The following ANXA13 variants were observed in gnomAD, a reference collection of about 807,000 sequenced individuals.
ANXA13 encodes annexin A13.
In ANXA13, 36 loss-of-function variants were observed where a neutral mutation model predicts 46.6. The ratio of observed to expected loss-of-function variants is 0.77; its 90% confidence interval spans 0.59 to 1.02. The LOEUF (loss-of-function observed/expected upper bound fraction) is 1.02, where lower values mean the gene tolerates loss of function less well. ANXA13 is among the 50% of genes least tolerant of loss of function. ANXA13 has a pLI of 0.00. For synonymous variants in ANXA13, 163 were observed against 152.9 expected, an observed-to-expected ratio of 1.07 and a Z score of -0.49; for missense variants, 417 against 396.5, an observed-to-expected ratio of 1.05 and a Z score of -0.44.
At chr8:123,704,456 C>T (rs372941661) in intron 2 of ANXA13, among the ~76,000 whole-genome samples, 29 of 151,478 alleles carry the variant, frequency 1.9e-4, no homozygotes, top group African/African-American at 5.4e-4. Flanking sequence ...CAGGCTAGAG[C>T]GCAGTGGCAT....
At chr8:123,712,611 G>T in intron 2 of ANXA13, 67 bp downstream of exon 2, 2 of 1,330,974 alleles carry the variant, frequency 1.5e-6, no homozygotes, top group Admixed American at 3.4e-5. Context: ...ACATCATGGG[G>T]AAGTTGGACA....
Position 123,688,880 on chromosome 8 carries a change from A to C in ANXA13, c.709T>G (p.Leu237Val). 1 of 1,613,884 alleles carries C rather than the reference A, an allele frequency of 6.2e-7. No homozygotes were observed. The highest frequency in any genetic ancestry group is 8.5e-7 in the Non-Finnish European group (1 of 1,179,836). Residue 237 changes from leucine (L) to valine (V), a missense_variant, in exon 9 of 11, where the codon TTA becomes GTA. Coordinates refer to ENST00000419625, the MANE Select transcript of ANXA13 (RefSeq NM_004306.4). ...CCTAACTTTACTTTACCGAGAGTTAAATAGGCCTTCTGCAAGTCGCCTGAT... is the reference window on the plus strand; with the variant it reads ...CCTAACTTTACTTTACCGAGAGTTACATAGGCCTTCTGCAAGTCGCCTGAT... ...ETSGDLQKAY[L>V]TLVRCAQDCE...
chr8:123,719,998 G>T (rs1283488080), intron 1 of ANXA13, among the ~76,000 whole-genome samples: 1 of 152,234 alleles, frequency 6.6e-6, no homozygotes, highest in East Asian at 1.9e-4. Flanking sequence ...GAGGTGGGAT[G>T]CTGGGTGACA....
intron 1 of ANXA13, among the ~76,000 whole-genome samples, chr8:123,715,206 G>T (rs1813738380): frequency 6.6e-6 from 1 of 152,190 alleles, no homozygotes; most frequent in South Asian, 2.1e-4. Flanking sequence ...AAATTACCAA[G>T]AATTTCAATA....
At position 123,702,682 on chromosome 8, in the gene ANXA13, C is replaced by T. The variant is rs766917035; in HGVS notation, c.146G>A (p.Arg49Lys). Residue 49 changes from arginine to lysine, a missense_variant, in exon 3 of 11, where the codon AGG (arginine) becomes AAG (lysine). Physicochemically the swap from Arg to Lys is conservative, Grantham distance 26 (BLOSUM62 2). Coordinates refer to ENST00000419625, the MANE Select transcript of ANXA13 (RefSeq NM_004306.4). ...CTTGTACTTTTGCTTGATTTGTTGC[C>T]TCTCATCTGATGTCCTGCCCGATAA... ...EILSGRTSDE[R>K]QQIKQKYKAT... 4.3e-6 allele frequency: 7 copies of T among 1,613,998 alleles called. No individual in the cohort carries two copies. In the African/African-American group the frequency reaches 8.0e-5, roughly 18 times the overall value.
intron 2 of ANXA13, among the ~76,000 whole-genome samples, chr8:123,711,296 G>A (rs1429027691): frequency 6.6e-6 from 1 of 152,196 alleles, no homozygotes; most frequent in Non-Finnish European, 1.5e-5. Flanking sequence ...TACTCCAGCT[G>A]TCAGTCTCAG....
intron 10 of ANXA13, among the ~76,000 whole-genome samples, chr8:123,681,626 T>C (rs961615999): frequency 1.3e-5 from 2 of 149,432 alleles, no homozygotes; most frequent in Non-Finnish European, 3.0e-5. Flanking sequence ...TTTCTTTTTT[T>C]TTTTTTTTTT....
chr8:123,724,708 G>T (rs576056444), intron 1 of ANXA13, among the ~76,000 whole-genome samples: 1 of 152,332 alleles, frequency 6.6e-6, no homozygotes, highest in African/African-American at 2.4e-5. Context: ...TGGACCTCCA[G>T]CTAGGAAAGG....
intron 10 of ANXA13, among the ~76,000 whole-genome samples, chr8:123,681,903 G>A (rs1457427427): frequency 6.6e-6 from 1 of 152,154 alleles, no homozygotes; most frequent in African/African-American, 2.4e-5. Context: ...GGGATTACAG[G>A]CGTGAGCCAC....
chr8:123,699,862 G>A (rs1411248174), intron 3 of ANXA13, among the ~76,000 whole-genome samples: 1 of 152,222 alleles, frequency 6.6e-6, no homozygotes, highest in East Asian at 1.9e-4. Flanking sequence ...AGAAAATGGA[G>A]ACAGTGCTAG....
chr8:123,702,934 G>A (rs1256601395), intron 2 of ANXA13, among the ~76,000 whole-genome samples, 198 bp from the exon 3 acceptor site: 3 of 152,118 alleles, frequency 2.0e-5, no homozygotes, highest in South Asian at 2.1e-4. Context: ...TAGCCATTGA[G>A]GCCTCACAGC....
At chr8:123,705,204 C>T (rs572707135) in intron 2 of ANXA13, among the ~76,000 whole-genome samples, 2 of 152,316 alleles carry the variant, frequency 1.3e-5, no homozygotes, top group Admixed American at 1.3e-4. Flanking sequence ...ACCTGTTCCT[C>T]TTCTTCATTC....
rs992360945 is a variant in ANXA13, at chr8:123,684,633, G to A, written c.808C>T (p.Arg270Cys). 5.6e-6 allele frequency: 9 copies of A among 1,613,850 alleles called. No homozygotes were observed. Among genetic ancestry groups the A allele is most frequent in the African/African-American group, 5.3e-5 (4 of 74,914 alleles). ...GAGTDEETLI[R>C]IVVTRAEVDL... ...ACCTCGGCCCTGGTCACGACTATGC[G>A]AATCAACGTCTCCTCATCGGTCCCC... Residue 270 changes from arginine to cysteine, a missense_variant, in exon 10 of 11, where the codon CGC becomes TGC. By Grantham distance (180) the Arg-to-Cys change is radical (BLOSUM62 -3). Coordinates refer to ENST00000419625, the MANE Select transcript of ANXA13 (RefSeq NM_004306.4).
intron 1 of ANXA13, among the ~76,000 whole-genome samples, chr8:123,733,474 G>C (rs1271294019): frequency 1.3e-5 from 2 of 152,148 alleles, no homozygotes; most frequent in African/African-American, 4.8e-5. Flanking sequence ...ACGTTCATCT[G>C]AGTGTTCACC....
chr8:123,694,743 T>C (rs1813299192), intron 6 of ANXA13, among the ~76,000 whole-genome samples: 1 of 152,212 alleles, frequency 6.6e-6, no homozygotes, highest in Non-Finnish European at 1.5e-5. Flanking sequence ...TCCAAGATAC[T>C]ACTTGGACTC....
At chr8:123,732,224 C>T (rs1230754444) in intron 1 of ANXA13, among the ~76,000 whole-genome samples, 1 of 152,172 alleles carries the variant, frequency 6.6e-6, no homozygotes, top group East Asian at 1.9e-4. Flanking sequence ...GCCTTACTTT[C>T]CCCATATTTA....
rs1479613937 is a variant in ANXA13 at position 123,681,083 on chromosome 8, C to T, written c.*157G>A. On this transcript the variant is annotated 3_prime_UTR_variant, in exon 11 of 11. Transcript: ENST00000419625. ...CGCATCTTAACGTTACTGCCCTTAA[C>T]TTACACAGCTTGGCCTGGCTGCGCC... 2.8e-6 allele frequency: 3 copies of T among 1,059,164 alleles called. No individual in the cohort carries two copies. Among genetic ancestry groups the T allele is most frequent in the African/African-American group, 3.2e-5 (2 of 63,008 alleles). 65.6% of individuals were successfully genotyped at this position (1,059,164 alleles called of 1,614,324 possible).
At chr8:123,710,413 G>T (rs1010060797) in intron 2 of ANXA13, among the ~76,000 whole-genome samples, 1 of 152,194 alleles carries the variant, frequency 6.6e-6, no homozygotes, top group African/African-American at 2.4e-5. Flanking sequence ...AAATGTTCTG[G>T]AATAAGTGGA....
chr8:123,701,075 G>A (rs1309427098), intron 3 of ANXA13, among the ~76,000 whole-genome samples: 2 of 152,196 alleles, frequency 1.3e-5, no homozygotes, highest in African/African-American at 2.4e-5. Flanking sequence ...CTCCCAAAGT[G>A]TTGGGATTAC....
Sources: allele counts gnomAD v4.1 joint callset (sites outside exome capture counted in the v4.1 genomes callset), GRCh38; gene constraint gnomAD v4.1.1; transcripts MANE v1.5; gene names NCBI Gene and HGNC (gene_info 2026-07-23, HGNC 2026-07-21).